NEK11: variants seen among roughly 807,000 people sequenced by gnomAD.
NEK11 encodes the protein NIMA related kinase 11, also known as serine/threonine-protein kinase Nek11.
NEK11 carries 72 observed loss-of-function variants against 80.7 expected under a neutral mutation model. That is an observed-to-expected ratio of 0.89 (90% CI 0.74 to 1.08). The LOEUF is 1.08. NEK11 is among the 50% of genes least tolerant of loss of function. NEK11 has a pLI of 0.00. For synonymous variants in NEK11, 251 were observed against 260.7 expected (o/e 0.96, Z 0.36); for missense variants, 764 against 763.6 (o/e 1.00, Z -0.01).
chr3:131,233,360 G>T (rs2095370706), intron 15 of NEK11, among the ~76,000 whole-genome samples: 1 of 152,202 alleles, frequency 6.6e-6, no homozygotes, highest in Non-Finnish European at 1.5e-5. Flanking sequence ...GTAGCCGAGG[G>T]CTGTCAGATC....
chr3:131,277,298 T>C (rs535935292), intron 17 of NEK11, among the ~76,000 whole-genome samples: 38 of 152,368 alleles, frequency 2.5e-4, no homozygotes, highest in Admixed American at 9.8e-4. Context: ...ATATGTTATA[T>C]CCATAAGTAT....
At chr3:131,315,362 T>A (rs2096826316) in intron 17 of NEK11, among the ~76,000 whole-genome samples, 1 of 152,114 alleles carries the variant, frequency 6.6e-6, no homozygotes, top group African/African-American at 2.4e-5. Flanking sequence ...CATGCAGTAT[T>A]TTTCTTTCTG....
rs767041777 is a variant in NEK11, at chr3:131,152,469, A to T, written c.729A>T (p.Lys243Asn). 1.2e-6 allele frequency: 2 copies of T among 1,613,912 alleles called. No homozygotes were observed. The highest frequency in any genetic ancestry group is 2.7e-5 in the African/African-American group (2 of 74,918). Residue 243 changes from lysine to asparagine, a missense_variant, in exon 8 of 18, where the codon AAA (lysine) becomes AAT (asparagine). Physicochemically the swap from Lys to Asn is moderately conservative, Grantham distance 94. Transcript: ENST00000383366. ...CCAATTTCTTATCCATTGTTTTAAA[A>T]ATTGTTGAAGGTGACACACCTTCTC... The part of the protein sequence containing the change: ...AGSNFLSIVL[K>N]IVEGDTPSLP...
intron 17 of NEK11, among the ~76,000 whole-genome samples, chr3:131,316,331 T>G (rs1417326434): frequency 1.3e-5 from 2 of 152,182 alleles, no homozygotes; most frequent in African/African-American, 4.8e-5. Flanking sequence ...TTAATTTGTA[T>G]CTGTCACTCA....
chr3:131,154,530 T>G (rs1483070446), intron 9 of NEK11, among the ~76,000 whole-genome samples: 5 of 152,202 alleles, frequency 3.3e-5, no homozygotes, highest in African/African-American at 1.2e-4. Context: ...CAGGGTTGGA[T>G]CCTATCTTTA....
chr3:131,218,488 T>A (rs1468096060), intron 14 of NEK11, among the ~76,000 whole-genome samples: 1 of 152,218 alleles, frequency 6.6e-6, no homozygotes, highest in Non-Finnish European at 1.5e-5. Context: ...TAAGGAGGGC[T>A]TCTTTGATCC....
Position 131,152,648 on chromosome 3 carries a change from C to T in NEK11, c.815C>T (p.Pro272Leu). ...AIMESMLNKN[P>L]SLRPSAIEIL... The stretch of plus-strand genomic sequence containing the variant: ...CATTACAGCATGTTGAACAAGAATC[C>T]TTCATTAAGACCATCTGCTATCGAA... Residue 272 changes from proline (P) to leucine (L), a missense_variant, in exon 9 of 18, where the codon CCT (proline) becomes CTT (leucine). Transcript: ENST00000383366. 6.2e-7 allele frequency: 1 copy of T among 1,613,628 alleles called. No individual in the cohort carries two copies. The highest frequency in any genetic ancestry group is 1.1e-5 in the South Asian group (1 of 90,996).
At chr3:131,121,587 G>A (rs548377178) in intron 5 of NEK11, among the ~76,000 whole-genome samples, 14 of 152,318 alleles carry the variant, frequency 9.2e-5, no homozygotes, top group African/African-American at 3.4e-4. Flanking sequence ...CCCAGTGGTG[G>A]AGTCTACAGA....
intron 14 of NEK11, among the ~76,000 whole-genome samples, chr3:131,186,969 A>G (rs959099952): frequency 6.6e-6 from 1 of 152,188 alleles, no homozygotes; most frequent in East Asian, 1.9e-4. Context: ...ATTGCTTTGA[A>G]TTACTTCCAT....
chr3:131,311,798 A>G (rs1225216976), intron 17 of NEK11, among the ~76,000 whole-genome samples: 1 of 152,222 alleles, frequency 6.6e-6, no homozygotes, highest in Non-Finnish European at 1.5e-5. Flanking sequence ...GTTGTATGCA[A>G]ATCAGTAAAA....
intron 17 of NEK11, among the ~76,000 whole-genome samples, chr3:131,318,490 T>C (rs2096865716): frequency 6.6e-6 from 1 of 152,102 alleles, no homozygotes; most frequent in Non-Finnish European, 1.5e-5. Flanking sequence ...GGTATATACT[T>C]ACAGAATTTT....
intron 17 of NEK11, among the ~76,000 whole-genome samples, chr3:131,297,752 G>C (rs181622904): frequency 3.0e-4 from 46 of 152,270 alleles, no homozygotes; most frequent in African/African-American, 1.1e-3. Context: ...CCTATGTCCT[G>C]AATGGTAATG....
At chr3:131,278,585 G>C (rs1341879156) in intron 17 of NEK11, among the ~76,000 whole-genome samples, 1 of 151,734 alleles carries the variant, frequency 6.6e-6, no homozygotes, top group Non-Finnish European at 1.5e-5. Flanking sequence ...TACACCTCAA[G>C]CCAGATTAAA....
intron 15 of NEK11, among the ~76,000 whole-genome samples, chr3:131,232,163 C>T (rs1358974469): frequency 6.6e-6 from 1 of 152,122 alleles, no homozygotes; most frequent in Non-Finnish European, 1.5e-5. Context: ...GCTCCTCTGC[C>T]AAGTCTGTGG....
intron 7 of NEK11, 103 bp downstream of exon 7, chr3:131,134,059 T>G: frequency 1.0e-6 from 1 of 970,860 alleles, no homozygotes. Context: ...CTTTATCCCT[T>G]TGACATGAAT....
intron 14 of NEK11, chr3:131,184,615 G>C (rs964975232): frequency 2.9e-6 from 1 of 347,922 alleles, no homozygotes; most frequent in Non-Finnish European, 5.2e-6. Flanking sequence ...ATTCAGTTGG[G>C]GAAGCAGTAG....
chr3:131,168,830 G>A lies in NEK11; in HGVS notation c.1177G>A (p.Glu393Lys), dbSNP rs2092468465. The A allele has an allele frequency of 2.5e-6, 4 of 1,611,148 alleles. No homozygotes were observed. In the East Asian group the frequency reaches 8.9e-5, roughly 36 times the overall value. Reference protein sequence around the residue: ...FQQLSVDVLHEKTHLKGMEEK... With the variant: ...FQQLSVDVLHKKTHLKGMEEK... ...ACAGACTTTGTCATAATCTCTTTAG[G>A]AAAAAACACATTTAAAAGGAATGGA... The change falls in exon 13 of 18, where the codon GAA (glutamate) becomes AAA (lysine). Residue 393 changes from glutamate (E) to lysine (K), a missense_variant and splice_region_variant. Glu to Lys is a moderately conservative substitution (Grantham distance 56). Transcript: ENST00000383366.
chr3:131,095,227 T>C (rs1413905867), intron 4 of NEK11, among the ~76,000 whole-genome samples: 2 of 152,100 alleles, frequency 1.3e-5, no homozygotes, highest in Non-Finnish European at 2.9e-5. Flanking sequence ...TTCTGCTTGA[T>C]GTGGGGTTAG....
chr3:131,123,726 T>G (rs916851774), intron 5 of NEK11, among the ~76,000 whole-genome samples: 2 of 152,022 alleles, frequency 1.3e-5, no homozygotes, highest in Non-Finnish European at 2.9e-5. Context: ...ATGTTTTACT[T>G]ACTCCAAAGT....
Sources: allele counts gnomAD v4.1 joint callset (sites outside exome capture counted in the v4.1 genomes callset), GRCh38; gene constraint gnomAD v4.1.1; transcripts MANE v1.5; gene names NCBI Gene and HGNC (gene_info 2026-07-23, HGNC 2026-07-21).